SLIT3: variants seen among roughly 807,000 people sequenced by gnomAD.
SLIT3 encodes slit guidance ligand 3, also known as slit homolog 3 protein.
SLIT3 carries 68 observed loss-of-function variants against 184.0 expected under a neutral mutation model. The observed-to-expected ratio is 0.37, with a 90% CI of 0.30 to 0.45. SLIT3 has a LOEUF of 0.45. Ranked by LOEUF, SLIT3 falls within the 20% of genes least tolerant of loss-of-function variation. The pLI is 1.00. For missense variants in SLIT3, 1,707 were observed against 2,026.0 expected (o/e 0.84, Z 3.02); for synonymous variants, 831 against 828.6 (o/e 1.00, Z -0.05).
In SLIT3 at chr5:168,663,048, G is replaced by C. The variant is rs1309560618; in HGVS notation, c.*3406C>G. The stretch of plus-strand genomic sequence containing the variant: ...AAGGGACAGACCTGGCCCTTTTGCT[G>C]TCTTGGTTGATGGGGGCTGGATTCA... On this transcript the variant is annotated 3_prime_UTR_variant, in exon 36 of 36. Transcript: ENST00000519560. 2 of 152,274 alleles carry C rather than the reference G, an allele frequency of 1.3e-5. No homozygotes were observed. The highest frequency in any genetic ancestry group is 2.4e-5 in the African/African-American group (1 of 41,460). 9.4% of individuals were successfully genotyped at this position (152,274 alleles called of 1,614,324 possible).
chr5:169,062,010 C>T (rs1243766184), intron 4 of SLIT3, among the ~76,000 whole-genome samples: 1 of 152,010 alleles, frequency 6.6e-6, no homozygotes, highest in Non-Finnish European at 1.5e-5. Context: ...TGGTGAAACC[C>T]CGTCTCTACT....
chr5:169,280,884 C>T (rs1430052994), intron 1 of SLIT3, among the ~76,000 whole-genome samples: 2 of 152,166 alleles, frequency 1.3e-5, no homozygotes, highest in East Asian at 3.8e-4. Context: ...ACATATAACA[C>T]AGTGTGGTTT....
chr5:169,181,784 T>TGAGTATC (rs1763166690), intron 4 of SLIT3, among the ~76,000 whole-genome samples: 1 of 151,974 alleles, frequency 6.6e-6, no homozygotes, highest in Admixed American at 6.6e-5. Context: ...TCTGAGTATC[T>TGAGTATC]TGATCCACAA....
chr5:168,730,695 C>T (rs1763267279), intron 20 of SLIT3, among the ~76,000 whole-genome samples: 1 of 151,502 alleles, frequency 6.6e-6, no homozygotes, highest in African/African-American at 2.4e-5. Context: ...GAAAAAACAA[C>T]ATACCCAAAC....
chr5:169,090,137 G>A (rs548033014), intron 4 of SLIT3, among the ~76,000 whole-genome samples: 2 of 152,158 alleles, frequency 1.3e-5, no homozygotes, highest in Admixed American at 6.5e-5. Flanking sequence ...GGGAACGGGT[G>A]ATGTTACAGA....
At chr5:168,992,369 G>A (rs948337741) in intron 4 of SLIT3, among the ~76,000 whole-genome samples, 5 of 152,242 alleles carry the variant, frequency 3.3e-5, no homozygotes, top group African/African-American at 1.2e-4. Flanking sequence ...TGAAGGAGGA[G>A]AAAGAATTAT....
chr5:169,275,245 C>A (rs1387622391), intron 1 of SLIT3, among the ~76,000 whole-genome samples: 1 of 152,286 alleles, frequency 6.6e-6, no homozygotes, highest in East Asian at 1.9e-4. Context: ...TCACTGCACC[C>A]ATTTTACAGA....
intron 3 of SLIT3, among the ~76,000 whole-genome samples, chr5:169,197,192 C>A (rs1763769008): frequency 6.6e-6 from 1 of 152,126 alleles, no homozygotes; most frequent in Admixed American, 6.5e-5. Flanking sequence ...CAATTGTGTG[C>A]TGCCCACTGC....
intron 4 of SLIT3, among the ~76,000 whole-genome samples, chr5:169,135,183 T>A (rs1761458979): frequency 6.6e-6 from 1 of 152,202 alleles, no homozygotes; most frequent in Admixed American, 6.5e-5. Context: ...CTCAGCTCAT[T>A]GCAATCTCCA....
rs1033620649 is a variant in SLIT3 at position 168,715,349 on chromosome 5, T to C, written c.2484-2995A>G. ...GCTGTTTTCTGTAGCCGTTCCTCTG[T>C]TTTCTACTGGGGGTTACCCCTCCCC... On this transcript the variant is annotated intron_variant, in intron 23 of 35. Coordinates refer to ENST00000519560, the MANE Select transcript of SLIT3 (RefSeq NM_003062.4). 3.3e-5 allele frequency among the ~76,000 whole-genome samples: 5 copies of C among 152,238 alleles called. No homozygotes were observed. In the South Asian group the frequency reaches 6.2e-4, roughly 19 times the overall value.
At chr5:169,274,757 C>T (rs1208813707) in intron 1 of SLIT3, among the ~76,000 whole-genome samples, 5 of 152,210 alleles carry the variant, frequency 3.3e-5, no homozygotes, top group African/African-American at 1.2e-4. Context: ...TCCTTCCTTG[C>T]TCATAGCACC....
At chr5:169,168,971 G>C (rs1487640606) in intron 4 of SLIT3, among the ~76,000 whole-genome samples, 1 of 152,198 alleles carries the variant, frequency 6.6e-6, no homozygotes, top group Non-Finnish European at 1.5e-5. Context: ...TAGGGAGCCT[G>C]CTTAAGAGGC....
intron 5 of SLIT3, among the ~76,000 whole-genome samples, chr5:168,874,720 C>CT (rs1462507026): frequency 2.6e-5 from 4 of 152,218 alleles, no homozygotes; most frequent in African/African-American, 9.6e-5. Flanking sequence ...TCTCTCCTTG[C>CT]TTTTAGATAA....
chr5:169,259,081 T>C (rs544945348), intron 1 of SLIT3, among the ~76,000 whole-genome samples: 10 of 151,528 alleles, frequency 6.6e-5, no homozygotes, highest in African/African-American at 2.4e-4. Context: ...GAGAAAGTAC[T>C]TTTTTTTTGG....
chr5:169,017,879 A>T (rs1471353903), intron 4 of SLIT3: 1 of 152,242 alleles, frequency 6.6e-6, no homozygotes, highest in Non-Finnish European at 1.5e-5. Flanking sequence ...ACTAAGAGTC[A>T]AAGACAGGAA....
At chr5:168,779,725 G>T (rs1028389507) in intron 12 of SLIT3, among the ~76,000 whole-genome samples, 2 of 152,238 alleles carry the variant, frequency 1.3e-5, no homozygotes, top group Non-Finnish European at 2.9e-5. Flanking sequence ...GGATGAGGGA[G>T]AACCCTCGTG....
At chr5:169,126,190 T>G (rs1761073359) in intron 4 of SLIT3, among the ~76,000 whole-genome samples, 1 of 152,198 alleles carries the variant, frequency 6.6e-6, no homozygotes, top group South Asian at 2.1e-4. Flanking sequence ...GCAGGATCCT[T>G]TGATAAATTT....
intron 3 of SLIT3, among the ~76,000 whole-genome samples, chr5:169,193,822 C>G (rs1205572324): frequency 1.3e-5 from 2 of 152,192 alleles, no homozygotes; most frequent in Non-Finnish European, 2.9e-5. Flanking sequence ...AGAGACATCA[C>G]TAATGGATCA....
At chr5:168,714,743 G>A (rs1251018613) in intron 23 of SLIT3, among the ~76,000 whole-genome samples, 2 of 152,162 alleles carry the variant, frequency 1.3e-5, no homozygotes, top group Non-Finnish European at 2.9e-5. Flanking sequence ...AGAGAAGTGG[G>A]AGAATGAGTG....
Sources: allele counts gnomAD v4.1 joint callset (sites outside exome capture counted in the v4.1 genomes callset), GRCh38; gene constraint gnomAD v4.1.1; transcripts MANE v1.5; gene names NCBI Gene and HGNC (gene_info 2026-07-23, HGNC 2026-07-21).